TYW1B: variants seen among roughly 807,000 people sequenced by gnomAD.
TYW1B encodes S-adenosyl-L-methionine-dependent tRNA 4-demethylwyosine synthase TYW1B.
TYW1B carries 73 observed loss-of-function variants against 86.9 expected under a neutral mutation model. The ratio of observed to expected loss-of-function variants is 0.84; its 90% CI spans 0.70 to 1.02. The LOEUF is 1.02. Ranked by LOEUF, TYW1B falls within the 50% of genes least tolerant of loss-of-function variation. The pLI, the probability that TYW1B is intolerant of heterozygous loss-of-function variation, is 0.00. For missense variants in TYW1B, 637 were observed against 827.4 expected, an observed-to-expected ratio of 0.77 and a Z score of 2.82; for synonymous variants, 248 against 292.8, an observed-to-expected ratio of 0.85 and a Z score of 1.56.
At chr7:72,774,331 G>A (rs1430197980) in intron 7 of TYW1B, among the ~76,000 whole-genome samples, 10 of 17,416 alleles carry the variant, frequency 5.7e-4, no homozygotes, top group Non-Finnish European at 9.1e-4. Flanking sequence ...CCATAAAAGT[G>A]AGATATAAAA....
intron 7 of TYW1B, among the ~76,000 whole-genome samples, chr7:72,748,886 G>C (rs1563081012): frequency 6.6e-6 from 1 of 151,986 alleles, no homozygotes; most frequent in Non-Finnish European, 1.5e-5. Flanking sequence ...TTAGTCTTTA[G>C]TCCTCTTTTA....
intron 11 of TYW1B, among the ~76,000 whole-genome samples, chr7:72,652,115 T>C (rs1813074250): frequency 6.6e-6 from 1 of 152,066 alleles, no homozygotes; most frequent in South Asian, 2.1e-4. Context: ...TGGTGGCTCA[T>C]GCCTGTAATC....
chr7:72,735,199 A>G (rs1787176805), intron 8 of TYW1B, among the ~76,000 whole-genome samples: 1 of 152,148 alleles, frequency 6.6e-6, no homozygotes. Context: ...TACAGAACCA[A>G]CCTAAGTGTC....
intron 13 of TYW1B, among the ~76,000 whole-genome samples, chr7:72,593,726 G>A (rs78058471): frequency 0.17 from 25,107 of 150,474 alleles, 2,640 homozygotes; most frequent in East Asian, 0.56. Flanking sequence ...GGAGGCTGAG[G>A]CAGGAGAATG....
At chr7:72,609,147 TA>T (rs1554435448) in intron 13 of TYW1B, among the ~76,000 whole-genome samples, 3 of 152,226 alleles carry the variant, frequency 2.0e-5, no homozygotes, top group Non-Finnish European at 4.4e-5. Context: ...TGTTTTAAAG[TA>T]AAGACTTGGT....
At position 72,694,611 on chromosome 7, in the gene TYW1B, T is replaced by A. The variant is rs1440870691; in HGVS notation, c.1506+76A>T. ...GGAAAAAGTACCTCTGTTCTTTTCT[T>A]CCATCTTTCTTTCTTCTTAACTTCA... is the stretch of plus-strand genomic sequence containing the variant. On this transcript the variant is annotated intron_variant, in intron 11 of 13. Transcript: ENST00000620995. 5 of 1,378,734 alleles carry A rather than the reference T, an allele frequency of 3.6e-6. No homozygotes were observed. In the African/African-American group the frequency reaches 7.4e-5, roughly 21 times the overall value. 85.4% of individuals were successfully genotyped at this position (1,378,734 alleles called of 1,614,324 possible).
chr7:72,720,732 A>C (rs1316520146), intron 9 of TYW1B, among the ~76,000 whole-genome samples: 2 of 152,178 alleles, frequency 1.3e-5, no homozygotes, highest in Admixed American at 1.3e-4. Context: ...ACAGAAATTG[A>C]AACAGCCTCT....
In TYW1B at chr7:72,711,061, G is replaced by C. The variant is rs150832580; in HGVS notation, c.1370+2560C>G. 4.5e-4 allele frequency among the ~76,000 whole-genome samples: 69 copies of C among 152,134 alleles called. No homozygotes were observed. In the East Asian group the frequency reaches 0.013, roughly 29 times the overall value. Reference sequence around the variant, plus strand: ...CAGAAACAGCAGACAGTAAAACACAGATAAGACCCCTGGGGCACAGAGGGA... The same window carrying C: ...CAGAAACAGCAGACAGTAAAACACACATAAGACCCCTGGGGCACAGAGGGA... On this transcript the variant is annotated intron_variant, in intron 10 of 13. Coordinates refer to ENST00000620995, the MANE Select transcript of TYW1B (RefSeq NM_001145440.3).
At chr7:72,579,434 G>A (rs1475079311) in intron 13 of TYW1B, among the ~76,000 whole-genome samples, 7 of 152,288 alleles carry the variant, frequency 4.6e-5, no homozygotes, top group East Asian at 3.9e-4. Flanking sequence ...TCAGGCTGCC[G>A]TAACAAAATG....
At chr7:72,587,270 C>T (rs1194268589) in intron 13 of TYW1B, among the ~76,000 whole-genome samples, 4 of 152,170 alleles carry the variant, frequency 2.6e-5, no homozygotes, top group African/African-American at 9.7e-5. Flanking sequence ...TGAAACCACC[C>T]AGTGGGTTCA....
At chr7:72,689,229 G>A (rs1204607474) in intron 11 of TYW1B, among the ~76,000 whole-genome samples, 1 of 152,100 alleles carries the variant, frequency 6.6e-6, no homozygotes, top group Non-Finnish European at 1.5e-5. Flanking sequence ...ACCATGAAAC[G>A]GAGACGAGCT....
At chr7:72,739,500 G>A (rs1319194544) in intron 8 of TYW1B, among the ~76,000 whole-genome samples, 2 of 151,688 alleles carry the variant, frequency 1.3e-5, no homozygotes, top group African/African-American at 2.4e-5. Context: ...CAGCTATTCA[G>A]GAGGCTGAGG....
At chr7:72,760,811 C>G (rs1554467056) in intron 7 of TYW1B, among the ~76,000 whole-genome samples, 1 of 152,166 alleles carries the variant, frequency 6.6e-6, no homozygotes, top group Non-Finnish European at 1.5e-5. Context: ...TTTAAGACAT[C>G]AGGGTTTCAC....
chr7:72,781,272 A>C (rs1788045202), intron 6 of TYW1B, among the ~76,000 whole-genome samples: 1 of 152,122 alleles, frequency 6.6e-6, no homozygotes, highest in Non-Finnish European at 1.5e-5. Flanking sequence ...CAGGGAAAAG[A>C]AAGAATTAAG....
intron 11 of TYW1B, among the ~76,000 whole-genome samples, chr7:72,633,572 G>T (rs1812595658): frequency 6.6e-6 from 1 of 152,166 alleles, no homozygotes; most frequent in Admixed American, 6.6e-5. Flanking sequence ...TCCTCCCAGT[G>T]AATATCCACT....
chr7:72,692,914 C>A (rs1282475947), intron 11 of TYW1B, among the ~76,000 whole-genome samples: 7 of 152,012 alleles, frequency 4.6e-5, no homozygotes, highest in Non-Finnish European at 1.0e-4. Context: ...AAAAATGAGC[C>A]AGGAAATGTA....
intron 6 of TYW1B, among the ~76,000 whole-genome samples, chr7:72,790,913 A>G (rs552875719): frequency 5.0e-4 from 76 of 151,662 alleles, no homozygotes; most frequent in Non-Finnish European, 9.4e-4. Flanking sequence ...GGCCCTCCTG[A>G]CCTCTGGCTC....
In TYW1B at chr7:72,639,435, G is replaced by A. The variant is rs189645473; in HGVS notation, c.1507-10438C>T. On this transcript the variant is annotated intron_variant, in intron 11 of 13. Transcript: ENST00000620995. ...TCCTACCTTGAACTCCCAAAGTGCT[G>A]GGATTACAGGTGTGAGCCACCACAT... Among the ~76,000 whole-genome samples, 953 of 152,112 alleles carry A rather than the reference G, an allele frequency of 6.3e-3. 9 individuals carry two copies. Among genetic ancestry groups the A allele is most frequent in the Non-Finnish European group, 8.9e-3 (605 of 67,970 alleles).
intron 8 of TYW1B, among the ~76,000 whole-genome samples, chr7:72,742,462 C>G (rs1194827917): frequency 6.6e-6 from 1 of 152,078 alleles, no homozygotes; most frequent in Non-Finnish European, 1.5e-5. Context: ...TCTATTTTTT[C>G]TCTTGATGAC....
Sources: gnomAD v4.1 joint callset for allele counts (sites outside exome capture counted in the v4.1 genomes callset) on GRCh38, gnomAD v4.1.1 for gene constraint, MANE v1.5 for transcripts, NCBI Gene and HGNC (gene_info 2026-07-23, HGNC 2026-07-21) for gene names.